The following OR1B1 variants were observed in gnomAD, a reference collection of about 807,000 sequenced individuals.
The protein encoded by OR1B1 is olfactory receptor family 1 subfamily B member 1, also known as olfactory receptor 1B1.
For missense variants in OR1B1, 414 were observed against 402.1 expected (o/e 1.03, Z -0.25); for synonymous variants, 168 against 156.2 (o/e 1.08, Z -0.57).
the OR1B1 span, among the ~76,000 whole-genome samples, chr9:122,636,386 G>C: frequency 1.3e-5 from 2 of 152,194 alleles, no homozygotes; most frequent in African/African-American, 4.8e-5. Context: ...AGGCCAAGGC[G>C]GGTGGATCAC....
chr9:122,634,394 G>A (rs1198772068), upstream of OR1B1, among the ~76,000 whole-genome samples: 8 of 151,744 alleles, frequency 5.3e-5, no homozygotes, highest in Non-Finnish European at 1.0e-4. Context: ...AGAAATACCC[G>A]AGACTGGGTG....
the OR1B1 span, among the ~76,000 whole-genome samples, chr9:122,646,619 T>C: frequency 3.9e-5 from 6 of 151,972 alleles, no homozygotes; most frequent in South Asian, 8.3e-4. Context: ...AATGTCATTA[T>C]ATAATGATAA....
At chr9:122,648,896 T>G in the OR1B1 span, among the ~76,000 whole-genome samples, 1 of 151,860 alleles carries the variant, frequency 6.6e-6, no homozygotes, top group Non-Finnish European at 1.5e-5. Context: ...ATTAGAAAAA[T>G]CTACTTTAAA....
the OR1B1 span, among the ~76,000 whole-genome samples, chr9:122,653,641 C>A: frequency 6.6e-5 from 10 of 152,080 alleles, 1 homozygote; most frequent in Admixed American, 1.3e-4. Flanking sequence ...TTCTTAAACA[C>A]CCACCATAGC....
chr9:122,651,189 G>T, the OR1B1 span, among the ~76,000 whole-genome samples: 1 of 151,880 alleles, frequency 6.6e-6, no homozygotes, highest in East Asian at 1.9e-4. Context: ...ATTTTGTTTT[G>T]TTAATTGATA....
chr9:122,649,948 G>A, the OR1B1 span, among the ~76,000 whole-genome samples: 2 of 152,124 alleles, frequency 1.3e-5, no homozygotes, highest in African/African-American at 2.4e-5. Flanking sequence ...ACATGCACAT[G>A]TATGTTTATT....
chr9:122,632,578 C>CTTGAA (rs1397532588), upstream of OR1B1, among the ~76,000 whole-genome samples: 2 of 152,062 alleles, frequency 1.3e-5, no homozygotes, highest in African/African-American at 2.4e-5. Context: ...CCCCCTTCCA[C>CTTGAA]CGCTTCCCCC....
chr9:122,647,966 T>G, the OR1B1 span, among the ~76,000 whole-genome samples: 17 of 152,194 alleles, frequency 1.1e-4, no homozygotes, highest in Non-Finnish European at 2.2e-4. Flanking sequence ...ATCAATCCAT[T>G]TTTTTCTCCT....
chr9:122,628,757 G>A (rs777317341), exon 1 of OR1B1: 1 of 1,614,154 alleles, frequency 6.2e-7, no homozygotes, highest in Admixed American at 1.7e-5. Flanking sequence ...ACAAATGATG[G>A]TGCCGTAGAG....
the OR1B1 span, among the ~76,000 whole-genome samples, chr9:122,654,586 A>G: frequency 6.6e-6 from 1 of 152,114 alleles, no homozygotes; most frequent in African/African-American, 2.4e-5. Context: ...TCTTTATTTC[A>G]TCAAAACTTT....
the OR1B1 span, among the ~76,000 whole-genome samples, chr9:122,650,766 G>C: frequency 6.6e-6 from 1 of 152,150 alleles, no homozygotes; most frequent in Non-Finnish European, 1.5e-5. Context: ...GCTCACGCCT[G>C]TAATCCCAGC....
At chr9:122,629,362 G>A in exon 1 of OR1B1, 2 of 1,614,102 alleles carry the variant, frequency 1.2e-6, no homozygotes, top group Non-Finnish European at 1.7e-6. Context: ...ACATGGGTGA[G>A]TGCAGTCTGG....
chr9:122,652,802 T>G, the OR1B1 span, among the ~76,000 whole-genome samples: 3 of 152,202 alleles, frequency 2.0e-5, no homozygotes, highest in South Asian at 2.1e-4. Flanking sequence ...CATTATATTA[T>G]CTATCTTAAA....
chr9:122,652,901 A>G, the OR1B1 span, among the ~76,000 whole-genome samples: 2 of 152,256 alleles, frequency 1.3e-5, no homozygotes, highest in East Asian at 3.9e-4. Flanking sequence ...TCCTATAATC[A>G]CAGTGGGGAA....
At chr9:122,657,053 C>T in the OR1B1 span, among the ~76,000 whole-genome samples, 12 of 151,760 alleles carry the variant, frequency 7.9e-5, no homozygotes, top group African/African-American at 2.7e-4. Flanking sequence ...TAGATTTTGA[C>T]TACTAATATG....
chr9:122,636,178 T>C, the OR1B1 span, among the ~76,000 whole-genome samples: 1 of 152,210 alleles, frequency 6.6e-6, no homozygotes, highest in East Asian at 1.9e-4. Flanking sequence ...ACGGTCATTT[T>C]AGTGGAGCAT....
chr9:122,639,225 C>T, the OR1B1 span, among the ~76,000 whole-genome samples: 9 of 152,096 alleles, frequency 5.9e-5, no homozygotes, highest in East Asian at 1.9e-4. Flanking sequence ...ATATTATATA[C>T]GTCTATGATT....
the OR1B1 span, among the ~76,000 whole-genome samples, chr9:122,636,615 T>C: frequency 6.6e-6 from 1 of 151,246 alleles, no homozygotes; most frequent in Admixed American, 6.6e-5. Flanking sequence ...AAACTCTGTC[T>C]CAAAAATAAA....
chr9:122,636,848 T>C, the OR1B1 span, among the ~76,000 whole-genome samples: 1 of 152,238 alleles, frequency 6.6e-6, no homozygotes, highest in African/African-American at 2.4e-5. Flanking sequence ...AACTATGTGA[T>C]CTTAAGCAAG....
Sources: gnomAD v4.1 joint callset for allele counts (sites outside exome capture counted in the v4.1 genomes callset) on GRCh38, gnomAD v4.1.1 for gene constraint, MANE v1.5 for transcripts, NCBI Gene and HGNC (gene_info 2026-07-23, HGNC 2026-07-21) for gene names.